Variants in DTNB observed in about 807,000 individuals in gnomAD.
The protein encoded by DTNB is DTN-B.
In DTNB, 63 loss-of-function variants were observed where a neutral mutation model predicts 90.7. The ratio of observed to expected loss-of-function variants is 0.69; its 90% confidence interval spans 0.57 to 0.86. DTNB has a LOEUF of 0.86. Among genes scored for constraint, DTNB ranks in the 40% least tolerant of loss-of-function variants. The probability of loss-of-function intolerance (pLI) is 0.00; values close to 1 mark genes in which losing one functional copy is unlikely to be tolerated. For synonymous variants in DTNB, 277 were observed against 286.7 expected, an observed-to-expected ratio of 0.97 and a Z score of 0.34; for missense variants, 744 against 807.1, an observed-to-expected ratio of 0.92 and a Z score of 0.95.
intron 16 of DTNB, among the ~76,000 whole-genome samples, chr2:25,416,903 G>A (rs1365289808): frequency 6.6e-6 from 1 of 152,046 alleles, no homozygotes; most frequent in Non-Finnish European, 1.5e-5. Flanking sequence ...CTATGTTTTG[G>A]CCTGTCACTC....
chr2:25,515,932 C>T (rs1575291621), intron 9 of DTNB, among the ~76,000 whole-genome samples: 1 of 152,238 alleles, frequency 6.6e-6, no homozygotes, highest in East Asian at 1.9e-4. Context: ...TGTACAGAAA[C>T]TCTGTCCTAT....
chr2:25,586,212 C>T (rs1471534013), intron 6 of DTNB, among the ~76,000 whole-genome samples: 1 of 152,060 alleles, frequency 6.6e-6, no homozygotes, highest in Non-Finnish European at 1.5e-5. Context: ...ACTTAAAATG[C>T]TTCATTAAGC....
At chr2:25,421,150 CCA>C (rs1427676740) in intron 15 of DTNB, 2 of 152,200 alleles carry the variant, frequency 1.3e-5, no homozygotes, top group Non-Finnish European at 2.9e-5. Context: ...GCTCCTGCTC[CCA>C]CACAGTCTAC....
chr2:25,423,803 G>A (rs1014924993), intron 15 of DTNB, among the ~76,000 whole-genome samples: 1 of 151,986 alleles, frequency 6.6e-6, no homozygotes, highest in Non-Finnish European at 1.5e-5. Context: ...GGGATTACAG[G>A]CGCGCACCAC....
chr2:25,649,592 G>A (rs941066419), intron 2 of DTNB, among the ~76,000 whole-genome samples: 2 of 152,014 alleles, frequency 1.3e-5, no homozygotes, highest in Non-Finnish European at 2.9e-5. Flanking sequence ...GCTGGCACAC[G>A]CCTGTAGTCC....
chr2:25,451,784 A>G, intron 11 of DTNB, 149 bp from the exon 12 acceptor site: 1 of 699,888 alleles, frequency 1.4e-6, no homozygotes, highest in Non-Finnish European at 2.0e-6. Context: ...TGGTCTTCTG[A>G]AAAAAAGGGG....
intron 1 of DTNB, among the ~76,000 whole-genome samples, chr2:25,658,339 A>C (rs961365948): frequency 1.3e-5 from 2 of 152,312 alleles, no homozygotes; most frequent in African/African-American, 4.8e-5. Flanking sequence ...GGAATGCACA[A>C]GCAGTCACGA....
intron 15 of DTNB, among the ~76,000 whole-genome samples, chr2:25,423,459 A>G (rs960266042): frequency 6.6e-6 from 1 of 152,234 alleles, no homozygotes; most frequent in Non-Finnish European, 1.5e-5. Flanking sequence ...GATAAAGTAC[A>G]TAATAGTTTC....
At chr2:25,603,339 T>C (rs1163133239) in intron 5 of DTNB, among the ~76,000 whole-genome samples, 2 of 152,222 alleles carry the variant, frequency 1.3e-5, no homozygotes, top group African/African-American at 4.8e-5. Context: ...ATTTTGATTG[T>C]GCTTTTAATT....
intron 10 of DTNB, among the ~76,000 whole-genome samples, chr2:25,470,793 A>G (rs2062652856): frequency 6.6e-6 from 1 of 152,226 alleles, no homozygotes; most frequent in Non-Finnish European, 1.5e-5. Context: ...TGAGACTCTC[A>G]GATCCATGGG....
At position 25,383,845 on chromosome 2, in the gene DTNB, TC is replaced by T; in HGVS notation, c.1869del (p.Asp625ThrfsTer88). On this transcript the variant is annotated frameshift_variant, in exon 19 of 21. Coordinates refer to ENST00000406818, the MANE Select transcript of DTNB (RefSeq NM_021907.5). LOFTEE classifies it high-confidence loss of function. The part of the protein sequence containing the change: ...AEEEEEKMQN[G>X]KDRG ...GCTGAGCTGCCTTTACCTCTGTCTT[TC>T]CCATTCTGCATCTTCTCTTCTTCTT... The T allele has an allele frequency of 1.9e-6, 3 of 1,614,046 alleles. No homozygotes were observed. The highest frequency in any genetic ancestry group is 1.7e-6 in the Non-Finnish European group (2 of 1,179,874).
chr2:25,410,265 TAGTAC>T (rs891945905), intron 16 of DTNB, among the ~76,000 whole-genome samples: 7 of 152,056 alleles, frequency 4.6e-5, no homozygotes, highest in African/African-American at 1.7e-4. Context: ...GACAGAAATA[TAGTAC>T]AGGAGGGAAA....
chr2:25,660,449 G>C (rs897598663), intron 1 of DTNB, among the ~76,000 whole-genome samples: 1 of 152,144 alleles, frequency 6.6e-6, no homozygotes, highest in Admixed American at 6.6e-5. Flanking sequence ...AAGGTGAATA[G>C]GGAGTAACTG....
At position 25,387,319 on chromosome 2, in the gene DTNB, T is replaced by C. The variant is rs373108761; in HGVS notation, c.1795A>G (p.Met599Val). The change falls in exon 18 of 21, where the codon ATG (methionine) becomes GTG (valine). Residue 599 changes from methionine to valine, a missense_variant. Transcript: ENST00000406818. This position sits in a 1 kb window ranked among gnomAD's most constrained non-coding sequence, Gnocchi z 4.5. ...LVAADSITNT[M>V]SSLVKELHSA... is the part of the protein sequence containing the mutation. ...TGGAGCTCCTTCACCAGGGATGACA[T>C]GGTGTTGGTGATGGAGTCAGCTGCC... 8 of 1,611,446 alleles carry C rather than the reference T, an allele frequency of 5.0e-6. No homozygotes were observed. Among genetic ancestry groups the C allele is most frequent in the African/African-American group, 1.3e-5 (1 of 74,964 alleles).
intron 5 of DTNB, among the ~76,000 whole-genome samples, chr2:25,601,224 G>A (rs2065815408): frequency 1.3e-5 from 2 of 152,034 alleles, no homozygotes; most frequent in Admixed American, 6.6e-5. Flanking sequence ...AATTAAACTA[G>A]TACTCTAATT....
chr2:25,664,361 G>C (rs2083903696), intron 1 of DTNB, among the ~76,000 whole-genome samples: 1 of 152,130 alleles, frequency 6.6e-6, no homozygotes, highest in African/African-American at 2.4e-5. Context: ...AGGAATCTTT[G>C]TGAGCCATCT....
At chr2:25,466,878 C>A (rs2150257926) in intron 10 of DTNB, among the ~76,000 whole-genome samples, 1 of 152,198 alleles carries the variant, frequency 6.6e-6, no homozygotes, top group Non-Finnish European at 1.5e-5. Flanking sequence ...ATTCTGGCGA[C>A]CATGTTTCAA....
At chr2:25,508,539 T>TTG (rs2073093543) in intron 9 of DTNB, among the ~76,000 whole-genome samples, 1 of 150,404 alleles carries the variant, frequency 6.6e-6, no homozygotes, top group East Asian at 2.0e-4. Context: ...CGCTCTTTGT[T>TTG]TTTTATTTTT....
intron 1 of DTNB, among the ~76,000 whole-genome samples, chr2:25,658,398 G>A (rs1415686847): frequency 2.0e-5 from 3 of 152,140 alleles, no homozygotes; most frequent in Admixed American, 6.6e-5. Flanking sequence ...CTTACCATAC[G>A]ATCCAATAAT....
Sources: gnomAD v4.1 joint callset for allele counts (sites outside exome capture counted in the v4.1 genomes callset) on GRCh38, gnomAD v4.1.1 for gene constraint, Gnocchi (gnomAD v3.1) non-coding constraint, MANE v1.5 for transcripts, NCBI Gene and HGNC (gene_info 2026-07-23, HGNC 2026-07-21) for gene names.